Variants in FAM53B observed in about 807,000 individuals in gnomAD.
The protein encoded by FAM53B is protein FAM53B.
A neutral mutation model predicts 32.7 loss-of-function variants in FAM53B; 12 were observed. The ratio of observed to expected loss-of-function variants is 0.37; its 90% CI spans 0.24 to 0.59. FAM53B has a LOEUF of 0.59. FAM53B is among the 20% of genes least tolerant of loss of function. The pLI is 0.72. For missense variants in FAM53B, 477 were observed against 577.7 expected (o/e 0.83, Z 1.79); for synonymous variants, 234 against 228.7 (o/e 1.02, Z -0.21).
At position 124,732,352 on chromosome 10, in the gene FAM53B, G is replaced by A. The variant is rs529929839; in HGVS notation, c.-175+11661C>T. ...CCAGAAACCGGGCAGGATCAGCCAC[G>A]CTCAGTCGTCGTCTTACAAGTGCAG... is the stretch of plus-strand genomic sequence containing the variant. On this transcript the variant is annotated intron_variant, in intron 1 of 4. Coordinates refer to ENST00000337318, the MANE Select transcript of FAM53B (RefSeq NM_014661.4). 2.0e-5 allele frequency among the ~76,000 whole-genome samples: 3 copies of A among 152,300 alleles called. No individual in the cohort carries two copies. In the South Asian group the frequency reaches 6.2e-4, roughly 32 times the overall value.
At chr10:124,730,559 A>G (rs921369782) in intron 1 of FAM53B, among the ~76,000 whole-genome samples, 7 of 152,212 alleles carry the variant, frequency 4.6e-5, no homozygotes, top group African/African-American at 1.7e-4. Flanking sequence ...CCTCCTCTGC[A>G]CTTTTGGTTC....
At chr10:124,697,893 G>T (rs1040183778) in intron 2 of FAM53B, among the ~76,000 whole-genome samples, 1 of 152,040 alleles carries the variant, frequency 6.6e-6, no homozygotes, top group Non-Finnish European at 1.5e-5. Flanking sequence ...TATCTGGGAA[G>T]AATTCAAAAT....
chr10:124,651,420 G>T lies in FAM53B; in HGVS notation c.907-27816C>A, dbSNP rs1464571815. Among the ~76,000 whole-genome samples the T allele has an allele frequency of 6.6e-6, 1 of 152,230 alleles. No individual in the cohort carries two copies. The highest frequency in any genetic ancestry group is 1.5e-5 in the Non-Finnish European group (1 of 68,044). Reference sequence around the variant, plus strand: ...TCTGTCCTCCCAGCTACACAGGACAGGCAGGGATGAAGCTAAGAGGGCTGC... The same window carrying T: ...TCTGTCCTCCCAGCTACACAGGACATGCAGGGATGAAGCTAAGAGGGCTGC... On this transcript the variant is annotated intron_variant, in intron 4 of 4. Transcript: ENST00000337318. This position sits in a 1 kb window ranked among gnomAD's most constrained non-coding sequence, Gnocchi z 5.2.
At chr10:124,730,158 T>C (rs1950131880) in intron 1 of FAM53B, among the ~76,000 whole-genome samples, 1 of 152,242 alleles carries the variant, frequency 6.6e-6, no homozygotes, top group Non-Finnish European at 1.5e-5. Flanking sequence ...GAAAACATGG[T>C]CATTTCATCA....
chr10:124,652,733 G>A (rs887699323), intron 4 of FAM53B, among the ~76,000 whole-genome samples: 1 of 152,180 alleles, frequency 6.6e-6, no homozygotes, highest in Non-Finnish European at 1.5e-5. Context: ...TTCCCCATCT[G>A]TCCTATATGG....
At chr10:124,635,671 G>C (rs1330909886) in intron 4 of FAM53B, among the ~76,000 whole-genome samples, 1 of 152,154 alleles carries the variant, frequency 6.6e-6, no homozygotes, top group Non-Finnish European at 1.5e-5. Flanking sequence ...GGCACACGAC[G>C]TGTGACCAAG....
intron 4 of FAM53B, among the ~76,000 whole-genome samples, chr10:124,648,151 G>A (rs1172025744): frequency 2.0e-5 from 3 of 152,200 alleles, no homozygotes; most frequent in South Asian, 4.1e-4. Context: ...CTCTCTCTGA[G>A]AACACTGCAG....
At chr10:124,698,302 C>A (rs540662543) in intron 2 of FAM53B, among the ~76,000 whole-genome samples, 1 of 152,154 alleles carries the variant, frequency 6.6e-6, no homozygotes, top group African/African-American at 2.4e-5. Context: ...CACTGAAGCA[C>A]CCCGCGTGCT....
chr10:124,623,694 G>C, intron 4 of FAM53B, 90 bp from the exon 5 acceptor site: 3 of 1,433,834 alleles, frequency 2.1e-6, no homozygotes, highest in Non-Finnish European at 2.8e-6. Context: ...TAGACCACCA[G>C]GCTGTGGCAA....
At chr10:124,726,483 A>AG (rs1232706030) in intron 1 of FAM53B, among the ~76,000 whole-genome samples, 2 of 152,246 alleles carry the variant, frequency 1.3e-5, no homozygotes, top group African/African-American at 4.8e-5. Context: ...AGAAAGAGGC[A>AG]GATGAGGATG....
At chr10:124,692,760 A>G (rs753843045) in intron 3 of FAM53B, among the ~76,000 whole-genome samples, 1 of 150,300 alleles carries the variant, frequency 6.7e-6, no homozygotes, top group Admixed American at 6.6e-5. Context: ...TGAACACTCA[A>G]TTTATATTAG....
chr10:124,696,745 G>A (rs959949218), intron 2 of FAM53B, among the ~76,000 whole-genome samples: 4 of 152,176 alleles, frequency 2.6e-5, no homozygotes, highest in Admixed American at 2.6e-4. Context: ...TCTGCAGACT[G>A]TTTTGTGGCT....
At chr10:124,656,542 C>T (rs868469111) in intron 4 of FAM53B, among the ~76,000 whole-genome samples, 7 of 152,210 alleles carry the variant, frequency 4.6e-5, no homozygotes, top group South Asian at 2.1e-4. Flanking sequence ...ATATTGGAAA[C>T]GACTGTTGTT....
chr10:124,717,929 C>G (rs915001605), intron 1 of FAM53B, among the ~76,000 whole-genome samples: 1 of 152,250 alleles, frequency 6.6e-6, no homozygotes, highest in Middle Eastern at 3.4e-3. Context: ...CCACCCCCAG[C>G]CCAGGCTACA....
At position 124,733,300 on chromosome 10, in the gene FAM53B, C is replaced by T. The variant is rs190703019; in HGVS notation, c.-175+10713G>A. On this transcript the variant is annotated intron_variant, in intron 1 of 4. Transcript: ENST00000337318. This position sits in a 1 kb window ranked among gnomAD's most constrained non-coding sequence, Gnocchi z 4.3. The stretch of plus-strand genomic sequence containing the variant: ...CCCAGGTCACATGCCACACAGTCAA[C>T]GGGGCCTGGAATCTGGGCTGGCATC... 2.6e-5 allele frequency among the ~76,000 whole-genome samples: 4 copies of T among 152,310 alleles called. No homozygotes were observed. Among genetic ancestry groups the T allele is most frequent in the Admixed American group, 2.6e-4 (4 of 15,300 alleles).
intron 2 of FAM53B, among the ~76,000 whole-genome samples, chr10:124,699,897 G>A (rs1256772247): frequency 1.3e-5 from 2 of 152,206 alleles, no homozygotes; most frequent in African/African-American, 4.8e-5. Flanking sequence ...CCTTTCTGAG[G>A]CCCGACTGGC....
intron 4 of FAM53B, among the ~76,000 whole-genome samples, chr10:124,676,194 A>G (rs1261834907): frequency 6.6e-6 from 1 of 152,142 alleles, no homozygotes; most frequent in African/African-American, 2.4e-5. Context: ...TTTTGCCTTT[A>G]CTTGTATTTA....
chr10:124,639,044 G>C (rs925621585), intron 4 of FAM53B, among the ~76,000 whole-genome samples: 1 of 152,150 alleles, frequency 6.6e-6, no homozygotes, highest in Admixed American at 6.5e-5. Context: ...GTGGAGATGT[G>C]GGGAGACTCA....
intron 4 of FAM53B, among the ~76,000 whole-genome samples, chr10:124,644,242 A>G (rs1398552387): frequency 6.6e-6 from 1 of 152,174 alleles, no homozygotes; most frequent in Non-Finnish European, 1.5e-5. Flanking sequence ...AAGGAGAGCT[A>G]GCTCACCGAG....
Sources: allele counts gnomAD v4.1 joint callset (sites outside exome capture counted in the v4.1 genomes callset), GRCh38; gene constraint gnomAD v4.1.1; non-coding constraint Gnocchi (gnomAD v3.1); transcripts MANE v1.5; gene names NCBI Gene and HGNC (gene_info 2026-07-23, HGNC 2026-07-21).